The following P2RY14 variants were observed in gnomAD, a reference collection of about 807,000 sequenced individuals.
The protein encoded by P2RY14 is purinergic receptor P2Y14.
Under a neutral mutation model 0.9 loss-of-function variants are expected in P2RY14, and 2 were observed. That is an observed-to-expected ratio of 2.16 (90% CI 0.88 to 6.79). P2RY14 has a LOEUF of 6.79. Ranked by LOEUF, P2RY14 falls within the 30% of genes most tolerant of loss-of-function variation. The pLI is 0.05. For synonymous variants in P2RY14, 158 were observed against 147.2 expected (o/e 1.07, Z -0.53); for missense variants, 378 against 400.1 (o/e 0.94, Z 0.47).
At chr3:151,242,101 C>T (rs562333996) in intron 1 of P2RY14, among the ~76,000 whole-genome samples, 4 of 152,318 alleles carry the variant, frequency 2.6e-5, no homozygotes, top group East Asian at 3.9e-4. Flanking sequence ...GATTATATCC[C>T]GCACCTGGCT....
chr3:151,216,265 G>A lies in P2RY14; in HGVS notation c.-24-1925C>T, dbSNP rs149717082. On this transcript the variant is annotated intron_variant, in intron 2 of 2. Transcript: ENST00000309170. Reference sequence around the variant, plus strand: ...ATCCTTGCTCTTAAGATTTATTCAGGGATCAAGGGAAAGAAAGATTGTGGG... The same window carrying A: ...ATCCTTGCTCTTAAGATTTATTCAGAGATCAAGGGAAAGAAAGATTGTGGG... Among the ~76,000 whole-genome samples the A allele has an allele frequency of 2.2e-3, 339 of 152,324 alleles. 1 individual carries two copies. The highest frequency in any genetic ancestry group is 3.5e-3 in the Non-Finnish European group (240 of 68,028).
intron 1 of P2RY14, chr3:151,248,798 C>T (rs1292756767): frequency 6.6e-6 from 1 of 152,058 alleles, no homozygotes; most frequent in East Asian, 1.9e-4. Flanking sequence ...CACACAAAGC[C>T]ATTTTACATT....
intron 1 of P2RY14, among the ~76,000 whole-genome samples, chr3:151,247,962 C>CTTTTTTTTTTTTTTTTTTTT (rs61102632): frequency 7.9e-5 from 6 of 75,894 alleles, no homozygotes; most frequent in African/African-American, 1.1e-4. Flanking sequence ...TCTTCTTCTT[C>CTTTTTTTTTTTTTTTTTTTT]TTTTTTTTTT....
chr3:151,272,993 A>G (rs1362903021), intron 1 of P2RY14, among the ~76,000 whole-genome samples: 1 of 152,194 alleles, frequency 6.6e-6, no homozygotes, highest in East Asian at 1.9e-4. Flanking sequence ...CATGACTCTC[A>G]AAAGAAATGT....
At chr3:151,227,119 G>A (rs1178151804) in intron 1 of P2RY14, among the ~76,000 whole-genome samples, 3 of 152,340 alleles carry the variant, frequency 2.0e-5, no homozygotes, top group South Asian at 4.1e-4. Flanking sequence ...TTTACCTTCA[G>A]TTAGAATCCA....
rs113713813 is a variant in P2RY14, at chr3:151,263,392, A to G, written c.-133+14895T>C. Among the ~76,000 whole-genome samples the G allele has an allele frequency of 6.5e-3, 983 of 152,310 alleles. 7 individuals are homozygous for G. Among genetic ancestry groups the G allele is most frequent in the South Asian group, 0.013 (61 of 4,816 alleles). On this transcript the variant is annotated intron_variant, in intron 1 of 2. Coordinates refer to ENST00000309170, the MANE Select transcript of P2RY14 (RefSeq NM_014879.4). ...TGTGGAACCAGAAGGAAATGTACAA[A>G]TGTGGTGTTCACAATTTGCTATCAT...
intron 1 of P2RY14, among the ~76,000 whole-genome samples, chr3:151,251,800 A>G (rs975605563): frequency 6.6e-6 from 1 of 152,186 alleles, no homozygotes; most frequent in Non-Finnish European, 1.5e-5. Flanking sequence ...TTTGAATTGC[A>G]TTTTAAAAAA....
At chr3:151,218,509 C>T (rs1168475362) in intron 2 of P2RY14, among the ~76,000 whole-genome samples, 2 of 152,120 alleles carry the variant, frequency 1.3e-5, no homozygotes, top group Non-Finnish European at 2.9e-5. Flanking sequence ...GGAATATAAA[C>T]AATGCTTCCT....
intron 1 of P2RY14, among the ~76,000 whole-genome samples, chr3:151,269,289 A>G (rs1189675643): frequency 6.6e-6 from 1 of 151,998 alleles, no homozygotes; most frequent in Non-Finnish European, 1.5e-5. Context: ...AATCCCAGCT[A>G]CTTGGGAGGC....
chr3:151,254,456 G>T (rs1737436753), intron 1 of P2RY14, among the ~76,000 whole-genome samples: 1 of 152,202 alleles, frequency 6.6e-6, no homozygotes, highest in Non-Finnish European at 1.5e-5. Flanking sequence ...GCTTCCCTCT[G>T]GGTTCTGCCT....
chr3:151,231,540 A>G (rs566034707), intron 1 of P2RY14, among the ~76,000 whole-genome samples: 8 of 152,330 alleles, frequency 5.3e-5, no homozygotes, highest in African/African-American at 9.6e-5. Flanking sequence ...CAATCAGACA[A>G]ATTTAGAATA....
intron 1 of P2RY14, among the ~76,000 whole-genome samples, chr3:151,255,111 C>T (rs984615758): frequency 1.3e-5 from 2 of 152,016 alleles, no homozygotes; most frequent in Admixed American, 1.3e-4. Context: ...TAGGAACTTT[C>T]GAGTCACAAA....
chr3:151,249,481 T>C (rs1882013), intron 1 of P2RY14, among the ~76,000 whole-genome samples: 44,603 of 151,846 alleles, frequency 0.29, 6,663 homozygotes, highest in Non-Finnish European at 0.31. Context: ...GGGGTCTTGA[T>C]TGGTGCAGGG....
At position 151,233,741 on chromosome 3, in the gene P2RY14, C is replaced by CA. The variant is rs570682305; in HGVS notation, c.-132-14100dup. On this transcript the variant is annotated intron_variant, in intron 1 of 2. Transcript: ENST00000309170. Reference sequence around the variant, plus strand: ...AGAGTGAAACTCCGTCTCAAAAAAACAAAAACAAAAACACAGCACCGACTT... The same window carrying CA: ...AGAGTGAAACTCCGTCTCAAAAAAACAAAAAACAAAAACACAGCACCGACTT... Among the ~76,000 whole-genome samples the CA allele has an allele frequency of 1.1e-3, 164 of 152,232 alleles. 2 individuals are homozygous for CA. The highest frequency in any genetic ancestry group is 3.6e-3 in the African/African-American group (150 of 41,546).
intron 1 of P2RY14, among the ~76,000 whole-genome samples, chr3:151,274,142 C>T (rs1475216865): frequency 6.6e-6 from 1 of 152,172 alleles, no homozygotes; most frequent in Non-Finnish European, 1.5e-5. Context: ...AAAAAGGCCT[C>T]GCTGCCACAA....
At chr3:151,254,910 T>G (rs893307398) in intron 1 of P2RY14, among the ~76,000 whole-genome samples, 4 of 152,208 alleles carry the variant, frequency 2.6e-5, no homozygotes, top group African/African-American at 7.2e-5. Flanking sequence ...TTCATTCTTG[T>G]CGGAATAGTT....
chr3:151,256,896 G>A (rs7611328), intron 1 of P2RY14, among the ~76,000 whole-genome samples: 126,311 of 148,150 alleles, frequency 0.85, 54,127 homozygotes, highest in African/African-American at 0.95. Flanking sequence ...GGGGAAAATA[G>A]TGTTTGAATT....
chr3:151,230,237 G>C (rs1015949364), intron 1 of P2RY14, among the ~76,000 whole-genome samples: 2 of 152,228 alleles, frequency 1.3e-5, no homozygotes, highest in Non-Finnish European at 2.9e-5. Context: ...GCCTCCTAAA[G>C]TGCTGGGATT....
At chr3:151,224,713 ACACT>A (rs1435846737) in intron 1 of P2RY14, among the ~76,000 whole-genome samples, 2 of 152,164 alleles carry the variant, frequency 1.3e-5, no homozygotes, top group Middle Eastern at 3.2e-3. Flanking sequence ...TTAAAGTTTG[ACACT>A]CACCACACTT....
Sources: gnomAD v4.1 joint callset for allele counts (sites outside exome capture counted in the v4.1 genomes callset) on GRCh38, gnomAD v4.1.1 for gene constraint, MANE v1.5 for transcripts, NCBI Gene and HGNC (gene_info 2026-07-23, HGNC 2026-07-21) for gene names.